Variants in PITPNB observed in about 807,000 individuals in gnomAD.
PITPNB encodes the protein phosphatidylinositol transfer protein beta.
PITPNB carries 16 observed loss-of-function variants against 45.9 expected under a neutral mutation model. That is an observed-to-expected ratio of 0.35 (90% CI 0.24 to 0.53). PITPNB has a LOEUF of 0.53. Among genes scored for constraint, PITPNB ranks in the 20% least tolerant of loss-of-function variants. The pLI is 0.93. For synonymous variants in PITPNB, 112 were observed against 108.9 expected (o/e 1.03, Z -0.18); for missense variants, 188 against 330.5 (o/e 0.57, Z 3.34).
At chr22:27,864,703 C>T (rs1174848147) in intron 8 of PITPNB, among the ~76,000 whole-genome samples, 3 of 152,000 alleles carry the variant, frequency 2.0e-5, no homozygotes, top group Admixed American at 6.6e-5. Context: ...TTTGGGAGGC[C>T]GAGGCAGGTG....
intron 9 of PITPNB, among the ~76,000 whole-genome samples, chr22:27,859,660 T>C (rs1482240706): frequency 6.6e-6 from 1 of 152,226 alleles, no homozygotes; most frequent in African/African-American, 2.4e-5. Flanking sequence ...AGTGTGCCCA[T>C]TTTTCAGTAA....
chr22:27,897,741 T>C (rs1935476050), intron 4 of PITPNB, 60 bp downstream of exon 4: 4 of 1,084,250 alleles, frequency 3.7e-6, no homozygotes, highest in South Asian at 2.5e-5. Context: ...ACACTGGTAC[T>C]GGGAATCCCT....
At chr22:27,884,318 G>A (rs372304914) in intron 7 of PITPNB, among the ~76,000 whole-genome samples, 2 of 152,318 alleles carry the variant, frequency 1.3e-5, no homozygotes, top group Non-Finnish European at 2.9e-5. Context: ...AGGTAAGGAA[G>A]AGGCACATGA....
At chr22:27,860,047 A>AG (rs1406988839) in intron 9 of PITPNB, 84 bp downstream of exon 9, 3 of 749,854 alleles carry the variant, frequency 4.0e-6, no homozygotes, top group African/African-American at 3.5e-5. Context: ...GAGGAAAAAA[A>AG]GTAATAACAG....
At chr22:27,900,893 T>A (rs951127006) in intron 3 of PITPNB, among the ~76,000 whole-genome samples, 1 of 152,198 alleles carries the variant, frequency 6.6e-6, no homozygotes, top group Admixed American at 6.5e-5. Context: ...TGAACAATAG[T>A]AAGGCCCTTT....
chr22:27,864,766 C>T (rs771071052), intron 8 of PITPNB, among the ~76,000 whole-genome samples: 2 of 151,900 alleles, frequency 1.3e-5, no homozygotes, highest in African/African-American at 2.4e-5. Flanking sequence ...GGTGAAACCC[C>T]GTCTCTACTA....
At chr22:27,856,649 A>C (rs1438064750) in intron 10 of PITPNB, among the ~76,000 whole-genome samples, 1 of 152,200 alleles carries the variant, frequency 6.6e-6, no homozygotes, top group Non-Finnish European at 1.5e-5. Context: ...TAAAAATTAA[A>C]AACTGAGAGA....
chr22:27,868,171 C>G (rs1934538601), intron 8 of PITPNB, among the ~76,000 whole-genome samples: 1 of 152,156 alleles, frequency 6.6e-6, no homozygotes. Context: ...CCCTGGACCT[C>G]ACAGACAAGT....
At chr22:27,901,893 A>C (rs12170186) in intron 3 of PITPNB, among the ~76,000 whole-genome samples, 6,276 of 151,936 alleles carry the variant, frequency 0.041, 203 homozygotes, top group South Asian at 0.12. Flanking sequence ...AAAAATAATA[A>C]TAATAAATAT....
chr22:27,887,755 C>T (rs904239719), intron 7 of PITPNB, among the ~76,000 whole-genome samples: 1 of 152,182 alleles, frequency 6.6e-6, no homozygotes, highest in African/African-American at 2.4e-5. Flanking sequence ...GTAAACCCCT[C>T]CCTGCCATAA....
At chr22:27,881,631 C>G (rs1181315746) in intron 7 of PITPNB, among the ~76,000 whole-genome samples, 1 of 152,180 alleles carries the variant, frequency 6.6e-6, no homozygotes, top group Non-Finnish European at 1.5e-5. Context: ...CTTTTCAGGT[C>G]TAAAGAGCCG....
intron 7 of PITPNB, among the ~76,000 whole-genome samples, chr22:27,880,459 A>G (rs1247798002): frequency 1.3e-5 from 2 of 152,152 alleles, no homozygotes; most frequent in Non-Finnish European, 2.9e-5. Flanking sequence ...AGAGAATTTT[A>G]TCCCCCACCC....
At chr22:27,891,553 G>A (rs1935279800) in intron 7 of PITPNB, among the ~76,000 whole-genome samples, 1 of 152,162 alleles carries the variant, frequency 6.6e-6, no homozygotes, top group South Asian at 2.1e-4. Flanking sequence ...CACATGTCAA[G>A]GGAGGGACCT....
chr22:27,892,932 G>C (rs931975314), intron 7 of PITPNB, among the ~76,000 whole-genome samples: 2 of 152,222 alleles, frequency 1.3e-5, no homozygotes, highest in Non-Finnish European at 2.9e-5. Flanking sequence ...TGACATCTGA[G>C]AAAAGGTCGG....
At chr22:27,882,536 C>A (rs1000890644) in intron 7 of PITPNB, among the ~76,000 whole-genome samples, 2 of 152,238 alleles carry the variant, frequency 1.3e-5, no homozygotes, top group Non-Finnish European at 2.9e-5. Flanking sequence ...TCTTTGACAT[C>A]ACAATCCTTA....
Position 27,872,206 on chromosome 22 carries a change from G to A in PITPNB, c.534+1532C>T, listed in dbSNP as rs1226907323. ...CCTCCCGGGTTCAAGTGATTCTCCTGCCTCAGCCTCCTGAGTAGCTGGGAT... is the reference window on the plus strand; with the variant it reads ...CCTCCCGGGTTCAAGTGATTCTCCTACCTCAGCCTCCTGAGTAGCTGGGAT... On this transcript the variant is annotated intron_variant, in intron 8 of 11. Coordinates refer to ENST00000335272, the MANE Select transcript of PITPNB (RefSeq NM_012399.5). Among the ~76,000 whole-genome samples the A allele has an allele frequency of 2.1e-5, 3 of 141,350 alleles. 1 individual carries two copies. In the Admixed American group the frequency reaches 2.3e-4, roughly 11 times the overall value. The allele number at this position is 141,350 out of a possible 152,430, so 92.7% of individuals were successfully genotyped here.
intron 2 of PITPNB, 103 bp downstream of exon 2, chr22:27,914,214 G>A (rs1415601571): frequency 2.7e-6 from 2 of 732,596 alleles, no homozygotes; most frequent in East Asian, 2.6e-5. Flanking sequence ...ACATAAGGTG[G>A]AATGAAAAGG....
chr22:27,854,990 G>T, intron 10 of PITPNB, 51 bp from the exon 11 acceptor site: 3 of 1,281,680 alleles, frequency 2.3e-6, no homozygotes, highest in East Asian at 2.3e-5. Flanking sequence ...CTAAATAGGG[G>T]TTAGTAAGCA....
At chr22:27,884,709 TTC>T (rs1323691009) in intron 7 of PITPNB, among the ~76,000 whole-genome samples, 1 of 152,302 alleles carries the variant, frequency 6.6e-6, no homozygotes, top group African/African-American at 2.4e-5. Flanking sequence ...AAAAATTTCA[TTC>T]TCTCTTTAAA....
Sources: gnomAD v4.1 joint callset for allele counts (sites outside exome capture counted in the v4.1 genomes callset) on GRCh38, gnomAD v4.1.1 for gene constraint, MANE v1.5 for transcripts, NCBI Gene and HGNC (gene_info 2026-07-23, HGNC 2026-07-21) for gene names.